LCMT1: variants seen among roughly 807,000 people sequenced by gnomAD.
The protein encoded by LCMT1 is leucine carboxyl methyltransferase 1.
Under a neutral mutation model 47.7 loss-of-function variants are expected in LCMT1, and 32 were observed. The ratio of observed to expected loss-of-function variants is 0.67; its 90% confidence interval spans 0.51 to 0.90. LCMT1 has a LOEUF of 0.90. Among genes scored for constraint, LCMT1 ranks in the 40% least tolerant of loss-of-function variants. The pLI is 0.00. For missense variants in LCMT1, 375 were observed against 415.2 expected (o/e 0.90, Z 0.84); for synonymous variants, 152 against 149.7 (o/e 1.02, Z -0.11).
In LCMT1 at chr16:25,151,571, C is replaced by T; in HGVS notation, c.422C>T (p.Ser141Phe). Residue 141 changes from serine to phenylalanine, a missense_variant, in exon 5 of 11, where the codon TCC becomes TTC. Physicochemically the swap from Ser to Phe is radical, Grantham distance 155. Coordinates refer to ENST00000399069, the MANE Select transcript of LCMT1 (RefSeq NM_016309.3). ...LHSIKCKPPL[S>F]SPILELHSED... ...TCCCATAGATGCAAGCCTCCCCTAT[C>T]CAGCCCCATTCTAGAACTGCATTCA... is the stretch of plus-strand genomic sequence containing the variant. 1 of 1,613,500 alleles carries T rather than the reference C, an allele frequency of 6.2e-7. No individual in the cohort carries two copies. The highest frequency in any genetic ancestry group is 8.5e-7 in the Non-Finnish European group (1 of 1,179,576).
chr16:25,133,073 C>G (rs1020932977), intron 3 of LCMT1, among the ~76,000 whole-genome samples: 1 of 152,120 alleles, frequency 6.6e-6, no homozygotes, highest in African/African-American at 2.4e-5. Flanking sequence ...GTTGCCCAGG[C>G]TGGTCCTGAA....
chr16:25,134,297 A>G (rs978340348), intron 3 of LCMT1, among the ~76,000 whole-genome samples: 1 of 152,188 alleles, frequency 6.6e-6, no homozygotes, highest in East Asian at 1.9e-4. Flanking sequence ...GAGTGTGGGT[A>G]TTTCTTTGCC....
At chr16:25,172,959 C>T (rs748227525) in intron 9 of LCMT1, among the ~76,000 whole-genome samples, 1 of 152,248 alleles carries the variant, frequency 6.6e-6, no homozygotes, top group Non-Finnish European at 1.5e-5. Context: ...TCATTTGTCT[C>T]ATGTTTCCAG....
intron 3 of LCMT1, among the ~76,000 whole-genome samples, chr16:25,138,522 T>C (rs1169831876): frequency 1.3e-5 from 2 of 151,362 alleles, no homozygotes; most frequent in African/African-American, 2.4e-5. Context: ...CGCATGTGCG[T>C]GTGTGTGTGT....
At chr16:25,165,176 T>C (rs912958023) in intron 7 of LCMT1, among the ~76,000 whole-genome samples, 1 of 152,206 alleles carries the variant, frequency 6.6e-6, no homozygotes, top group Non-Finnish European at 1.5e-5. Context: ...CCAGTTGTTA[T>C]CATGTAGGCA....
intron 3 of LCMT1, among the ~76,000 whole-genome samples, chr16:25,134,032 T>TAAA (rs781659291): frequency 7.9e-6 from 1 of 126,180 alleles, no homozygotes; most frequent in African/African-American, 2.9e-5. Flanking sequence ...CTTCGTCTCT[T>TAAA]AAAAAAAAAA....
At position 25,160,725 on chromosome 16, in the gene LCMT1, C is replaced by G. The variant is rs554390773; in HGVS notation, c.467-377C>G. On this transcript the variant is annotated intron_variant, in intron 5 of 10. Coordinates refer to ENST00000399069, the MANE Select transcript of LCMT1 (RefSeq NM_016309.3). ...TCCAGTCAATGGAATGCTATGAAAT[C>G]ATTATACAGAAGGATGTCCCTGATG... 34 of 519,378 alleles carry G rather than the reference C, an allele frequency of 6.5e-5. 1 individual carries two copies. Among genetic ancestry groups the G allele is most frequent in the South Asian group, 4.8e-4 (34 of 70,752 alleles). The allele number at this position is 519,378 out of a possible 1,614,324, so 32.2% of individuals were successfully genotyped here.
At chr16:25,113,025 C>G (rs1266983933) in intron 1 of LCMT1, among the ~76,000 whole-genome samples, 1 of 151,244 alleles carries the variant, frequency 6.6e-6, no homozygotes, top group Non-Finnish European at 1.5e-5. Context: ...CCTGTAATCC[C>G]AGCTACTCGG....
chr16:25,153,052 A>G (rs1411847212), intron 5 of LCMT1, among the ~76,000 whole-genome samples: 2 of 152,116 alleles, frequency 1.3e-5, no homozygotes, highest in Non-Finnish European at 2.9e-5. Flanking sequence ...TAGATGAGCC[A>G]GGTTTATTAC....
At chr16:25,155,534 A>G (rs1160854907) in intron 5 of LCMT1, among the ~76,000 whole-genome samples, 1 of 152,154 alleles carries the variant, frequency 6.6e-6, no homozygotes, top group Non-Finnish European at 1.5e-5. Flanking sequence ...GTGACAGAGC[A>G]TGACCCTTTC....
intron 4 of LCMT1, chr16:25,146,743 C>G (rs1960869564): frequency 6.6e-6 from 1 of 152,204 alleles, no homozygotes; most frequent in Non-Finnish European, 1.5e-5. Context: ...GCGATGCTTC[C>G]CCTCTGCTGC....
intron 6 of LCMT1, among the ~76,000 whole-genome samples, chr16:25,163,248 C>T (rs1480906760): frequency 6.6e-6 from 1 of 152,164 alleles, no homozygotes; most frequent in Non-Finnish European, 1.5e-5. Flanking sequence ...ATGGGCGGAT[C>T]ACGAGGTCAA....
At chr16:25,132,227 C>G in intron 2 of LCMT1, 175 bp from the exon 3 acceptor site, 4 of 585,216 alleles carry the variant, frequency 6.8e-6, no homozygotes, top group Non-Finnish European at 1.1e-5. Context: ...TGCCTTTAAC[C>G]AAAAAAAAAA....
intron 3 of LCMT1, 165 bp from the exon 4 acceptor site, chr16:25,140,006 C>G (rs933653133): frequency 3.3e-6 from 2 of 600,818 alleles, no homozygotes; most frequent in East Asian, 2.8e-5. Flanking sequence ...TTGCTTCCCT[C>G]AAATCTATTC....
At chr16:25,157,703 A>G (rs1053304286) in intron 5 of LCMT1, among the ~76,000 whole-genome samples, 5 of 152,226 alleles carry the variant, frequency 3.3e-5, no homozygotes, top group Non-Finnish European at 5.9e-5. Context: ...TTAGCTCACA[A>G]TTCTTTGGGT....
In LCMT1 at chr16:25,155,617, ATGT is replaced by A. The variant is rs368156754; in HGVS notation, c.466+4007_466+4009del. Among the ~76,000 whole-genome samples, 48 of 151,432 alleles carry A rather than the reference ATGT, an allele frequency of 3.2e-4. No homozygotes were observed. In the East Asian group the frequency reaches 8.3e-3, roughly 26 times the overall value. On this transcript the variant is annotated intron_variant, in intron 5 of 10. Coordinates refer to ENST00000399069, the MANE Select transcript of LCMT1 (RefSeq NM_016309.3). ...TAAAACTCCCTATCGGATAGGACCC[ATGT>A]TGTTCATTAGGCCTCTGCGTGCCTC...
chr16:25,132,799 G>A (rs1960391471), intron 3 of LCMT1, among the ~76,000 whole-genome samples: 1 of 151,570 alleles, frequency 6.6e-6, no homozygotes, highest in South Asian at 2.1e-4. Context: ...AAATATGTCA[G>A]GAGGAGAAAT....
chr16:25,172,262 G>A (rs1961797810), intron 9 of LCMT1, among the ~76,000 whole-genome samples: 1 of 150,554 alleles, frequency 6.6e-6, no homozygotes, highest in South Asian at 2.1e-4. Flanking sequence ...AGCCGAGGTA[G>A]CACCATTTGT....
intron 4 of LCMT1, chr16:25,144,698 G>C (rs1960796708): frequency 6.6e-6 from 1 of 152,170 alleles, no homozygotes; most frequent in Non-Finnish European, 1.5e-5. Context: ...CATAGCTTCT[G>C]TATATTGTCC....
Sources: allele counts gnomAD v4.1 joint callset (sites outside exome capture counted in the v4.1 genomes callset), GRCh38; gene constraint gnomAD v4.1.1; transcripts MANE v1.5; gene names NCBI Gene and HGNC (gene_info 2026-07-23, HGNC 2026-07-21).